The following SAMD12 variants were observed in gnomAD, a reference collection of about 807,000 sequenced individuals.
SAMD12 encodes sterile alpha motif domain-containing protein 12.
A neutral mutation model predicts 15.0 loss-of-function variants in SAMD12; 9 were observed. The ratio of observed to expected loss-of-function variants is 0.60; its 90% CI spans 0.36 to 1.05. The LOEUF is 1.05. SAMD12 is among the 50% of genes least tolerant of loss of function. The pLI is 0.01. For synonymous variants in SAMD12, 86 were observed against 90.1 expected, an observed-to-expected ratio of 0.96 and a Z score of 0.25; for missense variants, 230 against 234.2, an observed-to-expected ratio of 0.98 and a Z score of 0.12.
chr8:118,299,929 C>T (rs7829943), intron 4 of SAMD12, among the ~76,000 whole-genome samples: 33,601 of 152,040 alleles, frequency 0.22, 3,982 homozygotes, highest in African/African-American at 0.29. Context: ...CATGGTTCAT[C>T]TCATGATGAC....
At chr8:118,461,081 T>C (rs1823406971) in intron 2 of SAMD12, among the ~76,000 whole-genome samples, 1 of 152,212 alleles carries the variant, frequency 6.6e-6, no homozygotes, top group Non-Finnish European at 1.5e-5. Context: ...TAACCTCTAT[T>C]AGATGATTTC....
Position 118,288,779 on chromosome 8 carries a change from G to A in SAMD12, c.433+90781C>T, listed in dbSNP as rs78293576. ...ACTAACAGCATTCAATAGCAGCTTT[G>A]ATGGAAGTTGAACCAATCTTTTAAA... On this transcript the variant is annotated intron_variant, in intron 4 of 4. Transcript: ENST00000409003. Among the ~76,000 whole-genome samples, 813 of 152,272 alleles carry A rather than the reference G, an allele frequency of 5.3e-3. 20 individuals are homozygous for A. The highest frequency in any genetic ancestry group is 0.05 in the South Asian group (241 of 4,826).
At chr8:118,210,984 C>A (rs925302768) in intron 4 of SAMD12, among the ~76,000 whole-genome samples, 1 of 152,160 alleles carries the variant, frequency 6.6e-6, no homozygotes, top group African/African-American at 2.4e-5. Context: ...ACAAATAACC[C>A]CTGCCCTTGC....
At chr8:118,297,924 T>C (rs1205098124) in intron 4 of SAMD12, among the ~76,000 whole-genome samples, 1 of 152,152 alleles carries the variant, frequency 6.6e-6, no homozygotes, top group Admixed American at 6.5e-5. Flanking sequence ...CATTATGCAT[T>C]GTAGAAGCAG....
At chr8:118,573,252 T>C (rs1213257976) in intron 2 of SAMD12, among the ~76,000 whole-genome samples, 1 of 152,044 alleles carries the variant, frequency 6.6e-6, no homozygotes. Flanking sequence ...GCCAGGCTAA[T>C]TTTTTGTATT....
chr8:118,319,415 C>A (rs551380587), intron 4 of SAMD12, among the ~76,000 whole-genome samples: 2 of 152,262 alleles, frequency 1.3e-5, no homozygotes, highest in South Asian at 4.1e-4. Flanking sequence ...CTGTGTGACA[C>A]TGGCAGAAAA....
intron 3 of SAMD12, among the ~76,000 whole-genome samples, chr8:118,392,405 T>C (rs1056038643): frequency 1.3e-5 from 2 of 152,186 alleles, no homozygotes; most frequent in African/African-American, 2.4e-5. Context: ...CACTCCAGCC[T>C]GGCGACAGAA....
Position 118,469,233 on chromosome 8 carries a change from C to A in SAMD12, c.193-29272G>T, listed in dbSNP as rs78580044. On this transcript the variant is annotated intron_variant, in intron 2 of 3. Transcript: ENST00000314727. ...GACCTATCTTATCCATGGAAGAGGA[C>A]AAAATGCTGCAGAGTGGCTACCATA... Among the ~76,000 whole-genome samples the A allele has an allele frequency of 6.7e-3, 1,011 of 151,384 alleles. 10 individuals carry two copies. The highest frequency in any genetic ancestry group is 0.023 in the African/African-American group (951 of 41,204).
rs73327506 is a variant in SAMD12 at position 118,378,177 on chromosome 8, G to T, written c.*1240C>A. Reference sequence around the variant, plus strand: ...CCCATGTTGTCATGTATTCTTTAAAGATGTAATTTTAATAACTGGGCATTA... The same window carrying T: ...CCCATGTTGTCATGTATTCTTTAAATATGTAATTTTAATAACTGGGCATTA... On this transcript the variant is annotated 3_prime_UTR_variant, in exon 4 of 4. Transcript: ENST00000314727. 0.014 allele frequency: 2,201 copies of T among 154,334 alleles called. 56 individuals are homozygous for T. The highest frequency in any genetic ancestry group is 0.049 in the African/African-American group (2,042 of 41,558). 9.6% of individuals were successfully genotyped at this position (154,334 alleles called of 1,614,324 possible).
At chr8:118,334,093 A>G (rs901898056) in intron 4 of SAMD12, among the ~76,000 whole-genome samples, 1 of 152,170 alleles carries the variant, frequency 6.6e-6, no homozygotes, top group African/African-American at 2.4e-5. Flanking sequence ...AAGCACTCCC[A>G]CAGTTAGAAA....
chr8:118,265,987 T>C (rs1316974230), intron 4 of SAMD12, among the ~76,000 whole-genome samples: 3 of 152,054 alleles, frequency 2.0e-5, no homozygotes, highest in Non-Finnish European at 4.4e-5. Flanking sequence ...ACTGGGTAAT[T>C]TATAAAGAAA....
chr8:118,159,769 G>A, the SAMD12 span, among the ~76,000 whole-genome samples: 2 of 146,484 alleles, frequency 1.4e-5, no homozygotes, highest in African/African-American at 5.1e-5. Context: ...AGGCTGCAGC[G>A]CAATGGTACG....
exon 5 of SAMD12, chr8:118,197,728 T>C (rs1451279324): frequency 5.6e-6 from 9 of 1,613,426 alleles, no homozygotes; most frequent in Non-Finnish European, 6.8e-6. Flanking sequence ...AACCCTCAGA[T>C]GATGCTGCAA....
chr8:118,225,273 G>C (rs911837978), intron 4 of SAMD12, among the ~76,000 whole-genome samples: 2 of 152,086 alleles, frequency 1.3e-5, no homozygotes, highest in Non-Finnish European at 1.5e-5. Flanking sequence ...TGATGAATGT[G>C]TTATACATCT....
chr8:118,429,479 T>C (rs1822332873), intron 3 of SAMD12, among the ~76,000 whole-genome samples: 1 of 152,226 alleles, frequency 6.6e-6, no homozygotes, highest in South Asian at 2.1e-4. Flanking sequence ...CTCATAGTTT[T>C]TTATATAAAC....
At chr8:118,186,830 A>G (rs1819250948), downstream of SAMD12, among the ~76,000 whole-genome samples, 1 of 152,096 alleles carries the variant, frequency 6.6e-6, no homozygotes, top group Non-Finnish European at 1.5e-5. Flanking sequence ...GAGAGAGAGA[A>G]GAGTTAAAAC....
the SAMD12 span, among the ~76,000 whole-genome samples, chr8:118,174,798 G>A: frequency 6.6e-6 from 1 of 152,044 alleles, no homozygotes; most frequent in Admixed American, 6.6e-5. Flanking sequence ...AAATCCATCA[G>A]TATTAACATA....
intron 2 of SAMD12, among the ~76,000 whole-genome samples, chr8:118,577,888 C>T (rs970093460): frequency 3.9e-5 from 6 of 152,092 alleles, no homozygotes; most frequent in African/African-American, 1.4e-4. Context: ...CAGAAAAAGT[C>T]ATGGTTGAGC....
At chr8:118,498,156 G>A (rs1191997408) in intron 2 of SAMD12, among the ~76,000 whole-genome samples, 3 of 152,118 alleles carry the variant, frequency 2.0e-5, no homozygotes, top group African/African-American at 7.2e-5. Flanking sequence ...TCTGATTCCA[G>A]CTGAGACAAA....
Sources: gnomAD v4.1 joint callset for allele counts (sites outside exome capture counted in the v4.1 genomes callset) on GRCh38, gnomAD v4.1.1 for gene constraint, MANE v1.5 for transcripts, NCBI Gene and HGNC (gene_info 2026-07-23, HGNC 2026-07-21) for gene names.